The following RAB11FIP4 variants were observed in gnomAD, a reference collection of about 807,000 sequenced individuals.
The protein encoded by RAB11FIP4 is rab11 family-interacting protein 4.
In RAB11FIP4, 23 loss-of-function variants were observed where a neutral mutation model predicts 74.3. That is an observed-to-expected ratio of 0.31 (90% CI 0.22 to 0.44). The LOEUF is 0.44. Among genes scored for constraint, RAB11FIP4 ranks in the 20% least tolerant of loss-of-function variants. RAB11FIP4 has a pLI of 1.00. For missense variants in RAB11FIP4, 630 were observed against 863.9 expected, an observed-to-expected ratio of 0.73 and a Z score of 3.39; for synonymous variants, 360 against 359.9, an observed-to-expected ratio of 1.00 and a Z score of 0.00.
At chr17:31,471,576 G>T (rs2071737291) in intron 3 of RAB11FIP4, among the ~76,000 whole-genome samples, 1 of 152,188 alleles carries the variant, frequency 6.6e-6, no homozygotes, top group African/African-American at 2.4e-5. Context: ...AGGTCACCCA[G>T]CTGGGAAGTG....
chr17:31,489,414 C>A (rs2071963688), intron 3 of RAB11FIP4, among the ~76,000 whole-genome samples: 1 of 151,954 alleles, frequency 6.6e-6, no homozygotes, highest in Non-Finnish European at 1.5e-5. Context: ...GCAATGGGAG[C>A]GCTCTCACTC....
At chr17:31,431,945 C>A (rs1239300620) in intron 2 of RAB11FIP4, 45 bp downstream of exon 2, 2 of 1,417,904 alleles carry the variant, frequency 1.4e-6, no homozygotes, top group Non-Finnish European at 9.9e-7. Flanking sequence ...TCCGGTCCTG[C>A]CCAGCTGGGG....
intron 1 of RAB11FIP4, among the ~76,000 whole-genome samples, chr17:31,405,400 C>T (rs1490463476): frequency 2.0e-5 from 3 of 151,826 alleles, no homozygotes; most frequent in Admixed American, 6.5e-5. Context: ...GACGGAGTCT[C>T]GCTCTGTCGC....
chr17:31,440,853 G>A (rs1418665557), intron 3 of RAB11FIP4, among the ~76,000 whole-genome samples: 1 of 152,078 alleles, frequency 6.6e-6, no homozygotes, highest in Non-Finnish European at 1.5e-5. Flanking sequence ...TTTTTGTCAA[G>A]CTCTATTGCA....
rs923085871 is a variant in RAB11FIP4, at chr17:31,533,812, A to G, written c.*2080A>G. 3.3e-5 allele frequency: 5 copies of G among 152,128 alleles called. No homozygotes were observed. Among genetic ancestry groups the G allele is most frequent in the Admixed American group, 3.3e-4 (5 of 15,280 alleles). The allele number at this position is 152,128 out of a possible 1,614,324, so 9.4% of individuals were successfully genotyped here. ...CCTCCCTCTAAGGGGCGCCATGGGA[A>G]CAGGCTCCGGAGGGAGCCGGCGTCT... On this transcript the variant is annotated 3_prime_UTR_variant, in exon 15 of 15. Coordinates refer to ENST00000621161, the MANE Select transcript of RAB11FIP4 (RefSeq NM_032932.6).
intron 3 of RAB11FIP4, among the ~76,000 whole-genome samples, chr17:31,510,646 G>C (rs1305859427): frequency 6.6e-6 from 1 of 152,174 alleles, no homozygotes; most frequent in East Asian, 1.9e-4. Context: ...TTCCATAAGA[G>C]TGGGCAGGAG....
chr17:31,477,155 T>A (rs990931060), intron 3 of RAB11FIP4, among the ~76,000 whole-genome samples: 1 of 152,234 alleles, frequency 6.6e-6, no homozygotes, highest in Admixed American at 6.5e-5. Context: ...TGCGGGGGAC[T>A]CTGCTTTCAG....
Position 31,428,568 on chromosome 17 carries a change from G to A in RAB11FIP4, c.160-3245G>A, listed in dbSNP as rs562120145. On this transcript the variant is annotated intron_variant, in intron 1 of 14. Transcript: ENST00000621161. ...GGGGGAGCGGCAAGATGCCTGACAAGGAGTGTGAGCGTGTACACATGTGTA... is the reference window on the plus strand; with the variant it reads ...GGGGGAGCGGCAAGATGCCTGACAAAGAGTGTGAGCGTGTACACATGTGTA... 2.0e-5 allele frequency among the ~76,000 whole-genome samples: 3 copies of A among 152,244 alleles called. No homozygotes were observed. The South Asian group carries it at 6.2e-4, about 32-fold the overall frequency.
intron 3 of RAB11FIP4, among the ~76,000 whole-genome samples, chr17:31,482,651 A>G (rs550637812): frequency 1.3e-5 from 2 of 152,318 alleles, no homozygotes; most frequent in Admixed American, 1.3e-4. Context: ...TTTGGGGTCA[A>G]GAGGCCTCTG....
In RAB11FIP4 at chr17:31,522,384, G is replaced by A. The variant is rs2072685015; in HGVS notation, c.918G>A (p.Thr306=). ...ANSPNRKISS[T]AFGRQLMHSS... The stretch of plus-strand genomic sequence containing the variant: ...GCCCCAACCGAAAGATCTCCAGCAC[G>A]GCCTTTGGACGGTAAGGCCCGCCTC... Residue 306 remains threonine (T), a synonymous_variant, in exon 7 of 15, where the codon ACG becomes ACA. Coordinates refer to ENST00000621161, the MANE Select transcript of RAB11FIP4 (RefSeq NM_032932.6). 10 of 1,613,794 alleles carry A rather than the reference G, an allele frequency of 6.2e-6. No individual in the cohort carries two copies. The highest frequency in any genetic ancestry group is 8.5e-6 in the Non-Finnish European group (10 of 1,179,932).
At chr17:31,404,518 G>A (rs906087733) in intron 1 of RAB11FIP4, among the ~76,000 whole-genome samples, 1 of 152,242 alleles carries the variant, frequency 6.6e-6, no homozygotes, top group Non-Finnish European at 1.5e-5. Flanking sequence ...GTATAGTGGG[G>A]ATAATATTAG....
intron 3 of RAB11FIP4, among the ~76,000 whole-genome samples, chr17:31,451,809 T>C (rs1260129261): frequency 2.0e-5 from 3 of 150,342 alleles, no homozygotes; most frequent in Admixed American, 6.7e-5. Flanking sequence ...CACCACCCTC[T>C]CAAGAAACTC....
At chr17:31,520,826 A>C (rs1303899471) in intron 4 of RAB11FIP4, 1 of 155,810 alleles carries the variant, frequency 6.4e-6, no homozygotes, top group African/African-American at 2.4e-5. Flanking sequence ...TGTTTTAACA[A>C]ACCTTTCAAC....
At chr17:31,429,916 T>A (rs2071290908) in intron 1 of RAB11FIP4, among the ~76,000 whole-genome samples, 1 of 152,130 alleles carries the variant, frequency 6.6e-6, no homozygotes. Context: ...GTACCTGAAT[T>A]GCAATTCTTT....
chr17:31,458,246 C>G (rs577288173), intron 3 of RAB11FIP4, among the ~76,000 whole-genome samples: 1 of 152,312 alleles, frequency 6.6e-6, no homozygotes, highest in South Asian at 2.1e-4. Flanking sequence ...CCTCTCCTCA[C>G]TCCCTCCACC....
In RAB11FIP4 at chr17:31,442,183, T is replaced by A. The variant is rs2071412746; in HGVS notation, c.336+8061T>A. Among the ~76,000 whole-genome samples, 5 of 152,070 alleles carry A rather than the reference T, an allele frequency of 3.3e-5. 1 individual carries two copies. The South Asian group carries it at 1.0e-3, about 32-fold the overall frequency. On this transcript the variant is annotated intron_variant, in intron 3 of 14. Coordinates refer to ENST00000621161, the MANE Select transcript of RAB11FIP4 (RefSeq NM_032932.6). ...CTGGCTAATTTTTTTGTATTTTTAG[T>A]AGAGACAGGGTTTCACTCTGTTAGC...
chr17:31,490,491 C>T (rs538680588), intron 3 of RAB11FIP4, among the ~76,000 whole-genome samples: 50 of 151,892 alleles, frequency 3.3e-4, no homozygotes, highest in African/African-American at 1.0e-3. Flanking sequence ...CAGGCATCTC[C>T]GAATGAGAAA....
chr17:31,522,083 C>CG (rs778546113), intron 6 of RAB11FIP4, 34 bp downstream of exon 6: 1 of 1,612,934 alleles, frequency 6.2e-7, no homozygotes. Flanking sequence ...GGTGAGAGGC[C>CG]GGGGGGCCAG....
chr17:31,393,942 T>C (rs1266159734), intron 1 of RAB11FIP4, among the ~76,000 whole-genome samples: 1 of 152,120 alleles, frequency 6.6e-6, no homozygotes, highest in East Asian at 1.9e-4. Context: ...CTCACACATA[T>C]GCACACAGCT....
Sources: gnomAD v4.1 joint callset for allele counts (sites outside exome capture counted in the v4.1 genomes callset) on GRCh38, gnomAD v4.1.1 for gene constraint, MANE v1.5 for transcripts, NCBI Gene and HGNC (gene_info 2026-07-23, HGNC 2026-07-21) for gene names.